Variants in SLCO3A1 observed in about 807,000 individuals in gnomAD.
SLCO3A1 encodes the protein PGE1 transporter.
In SLCO3A1, 27 loss-of-function variants were observed where a neutral mutation model predicts 63.1. The observed-to-expected ratio is 0.43, with a 90% confidence interval of 0.32 to 0.59. SLCO3A1 has a LOEUF of 0.59. Ranked by LOEUF, SLCO3A1 falls within the 20% of genes least tolerant of loss-of-function variation. SLCO3A1 has a pLI of 0.09. For synonymous variants in SLCO3A1, 473 were observed against 409.9 expected (o/e 1.15, Z -1.86); for missense variants, 773 against 945.8 (o/e 0.82, Z 2.40).
At position 92,120,570 on chromosome 15, in the gene SLCO3A1, T is replaced by G; in HGVS notation, c.1115T>G (p.Leu372Trp). The G allele has an allele frequency of 6.2e-7, 1 of 1,613,866 alleles. No individual in the cohort carries two copies. Among genetic ancestry groups the G allele is most frequent in the Non-Finnish European group, 8.5e-7 (1 of 1,179,952 alleles). ...IAVVAGFAAFLGKYLEQQFNL... is the reference protein window; with the variant it reads ...IAVVAGFAAFWGKYLEQQFNL... ...GTGGTGGCTGGCTTCGCTGCCTTTT[T>G]GGGGAAGTACCTGGAGCAGCAGTTT... The change falls in exon 5 of 10, where the codon TTG (leucine) becomes TGG (tryptophan). Residue 372 changes from leucine (L) to tryptophan (W), a missense_variant. Coordinates refer to ENST00000318445, the MANE Select transcript of SLCO3A1 (RefSeq NM_013272.4).
chr15:92,130,243 G>T (rs560196639), intron 7 of SLCO3A1, among the ~76,000 whole-genome samples: 50 of 152,332 alleles, frequency 3.3e-4, no homozygotes, highest in African/African-American at 1.2e-3. Context: ...GCCCATCTGT[G>T]GCTGCATCCC....
At chr15:92,050,494 G>T (rs1009035213) in intron 2 of SLCO3A1, among the ~76,000 whole-genome samples, 2 of 152,194 alleles carry the variant, frequency 1.3e-5, no homozygotes, top group African/African-American at 4.8e-5. Flanking sequence ...CTCTGGGAAT[G>T]CACACTGGTA....
At chr15:92,066,373 T>A (rs1376159386) in intron 2 of SLCO3A1, among the ~76,000 whole-genome samples, 1 of 152,240 alleles carries the variant, frequency 6.6e-6, no homozygotes, top group Non-Finnish European at 1.5e-5. Context: ...AAAATTGTTG[T>A]GCTGTTTCTG....
intron 2 of SLCO3A1, among the ~76,000 whole-genome samples, chr15:91,926,611 C>A (rs72751972): frequency 0.3 from 17,864 of 60,476 alleles, 1,532 homozygotes; most frequent in African/African-American, 0.44. Context: ...GCGCGCACGC[C>A]CATGCTTATT....
intron 9 of SLCO3A1, among the ~76,000 whole-genome samples, chr15:92,151,468 T>C (rs2048304736): frequency 2.0e-5 from 3 of 152,194 alleles, no homozygotes; most frequent in Non-Finnish European, 4.4e-5. Flanking sequence ...ACCTTGAATT[T>C]CTGGGATGGG....
chr15:92,058,175 G>C (rs756832611), intron 2 of SLCO3A1, among the ~76,000 whole-genome samples: 1 of 152,062 alleles, frequency 6.6e-6, no homozygotes, highest in African/African-American at 2.4e-5. Context: ...GAGTGTGTGT[G>C]TGTGTGTTTG....
intron 1 of SLCO3A1, among the ~76,000 whole-genome samples, chr15:91,855,395 C>T (rs1172822514): frequency 6.6e-6 from 1 of 152,142 alleles, no homozygotes; most frequent in Non-Finnish European, 1.5e-5. Flanking sequence ...CAGCTCTGTT[C>T]CTGGGGTGAC....
At chr15:92,061,471 C>G (rs2047085612) in intron 2 of SLCO3A1, among the ~76,000 whole-genome samples, 1 of 152,236 alleles carries the variant, frequency 6.6e-6, no homozygotes, top group African/African-American at 2.4e-5. Context: ...TAGTAGCTGC[C>G]CCTCTGAAGG....
chr15:91,954,837 C>G lies in SLCO3A1; in HGVS notation c.646+38379C>G, dbSNP rs532763673. Among the ~76,000 whole-genome samples, 15 of 152,122 alleles carry G rather than the reference C, an allele frequency of 9.9e-5. No individual in the cohort carries two copies. The highest frequency in any genetic ancestry group is 1.5e-4 in the Non-Finnish European group (10 of 67,992). ...GGCCTAGACACCATACCCTGAACCG[C>G]CCCCCGTGGTCTCCCGCTGCTTTCT... On this transcript the variant is annotated intron_variant, in intron 2 of 9. Transcript: ENST00000318445. The surrounding 1 kb of genome is among the most constrained non-coding windows in gnomAD (Gnocchi z 4.7).
rs773073012 is a variant in SLCO3A1, at chr15:92,165,680, G to A, written c.*2545G>A. The A allele has an allele frequency of 5.8e-5, 57 of 985,184 alleles. No homozygotes were observed. The highest frequency in any genetic ancestry group is 6.7e-5 in the Non-Finnish European group (56 of 829,846). The allele number at this position is 985,184 out of a possible 1,614,324, so 61.0% of individuals were successfully genotyped here. A position where few individuals can be genotyped will look rare whatever the true frequency, so the allele number is the denominator to read the frequency against. On this transcript the variant is annotated 3_prime_UTR_variant, in exon 10 of 10. Transcript: ENST00000318445. ...TTGCAGGATGGCTCTGAATTCTGTT[G>A]TGTCGTCTTTTAAAATTTTAATTAT...
At chr15:92,002,015 T>C (rs1357541032) in intron 2 of SLCO3A1, among the ~76,000 whole-genome samples, 1 of 152,034 alleles carries the variant, frequency 6.6e-6, no homozygotes, top group Non-Finnish European at 1.5e-5. Flanking sequence ...CCTCCTCTTT[T>C]CATATTGCTC....
At chr15:92,171,649 C>A in intron 10 of SLCO3A1, 2 of 679,444 alleles carry the variant, frequency 2.9e-6, no homozygotes, top group South Asian at 3.6e-5. Flanking sequence ...CACTTTATTG[C>A]TTTGACTGCC....
intron 2 of SLCO3A1, among the ~76,000 whole-genome samples, chr15:92,086,644 C>T (rs2047407907): frequency 2.0e-5 from 3 of 152,240 alleles, no homozygotes; most frequent in Admixed American, 2.0e-4. Context: ...GTAGTCCAGT[C>T]TTTTCTTTCA....
At chr15:92,116,821 G>A (rs2047800939) in intron 4 of SLCO3A1, among the ~76,000 whole-genome samples, 1 of 152,130 alleles carries the variant, frequency 6.6e-6, no homozygotes, top group Non-Finnish European at 1.5e-5. Flanking sequence ...GGGATGGGAG[G>A]AAGAACTTGG....
At position 92,017,820 on chromosome 15, in the gene SLCO3A1, T is replaced by C. The variant is rs144335318; in HGVS notation, c.647-77061T>C. On this transcript the variant is annotated intron_variant, in intron 2 of 9. Coordinates refer to ENST00000318445, the MANE Select transcript of SLCO3A1 (RefSeq NM_013272.4). ...AGGGATCTTGTTTGGGTGGTGGGGG[T>C]TGCTCCAGCAGACCAGGGTGGAGGC... Among the ~76,000 whole-genome samples the C allele has an allele frequency of 1.1e-3, 173 of 151,810 alleles. 1 individual carries two copies. The highest frequency in any genetic ancestry group is 3.8e-3 in the African/African-American group (158 of 41,378).
intron 2 of SLCO3A1, among the ~76,000 whole-genome samples, chr15:92,063,259 C>G (rs1344477367): frequency 6.6e-6 from 1 of 152,306 alleles, no homozygotes; most frequent in South Asian, 2.1e-4. Context: ...CTGATCGGGA[C>G]CCCTTGTGCA....
At chr15:92,029,097 AAGAG>A (rs2046614073) in intron 2 of SLCO3A1, among the ~76,000 whole-genome samples, 1 of 152,216 alleles carries the variant, frequency 6.6e-6, no homozygotes, top group South Asian at 2.1e-4. Context: ...AATTTCTTAA[AAGAG>A]AGGCGGTAAA....
At chr15:92,010,299 A>G (rs1454088270) in intron 2 of SLCO3A1, among the ~76,000 whole-genome samples, 1 of 152,136 alleles carries the variant, frequency 6.6e-6, no homozygotes, top group Non-Finnish European at 1.5e-5. Context: ...ACACCAATAA[A>G]ATATATGGTC....
intron 2 of SLCO3A1, among the ~76,000 whole-genome samples, chr15:91,994,506 C>T (rs1314027820): frequency 2.0e-5 from 3 of 152,124 alleles, no homozygotes; most frequent in African/African-American, 7.2e-5. Flanking sequence ...AGAGTCCATG[C>T]CCTCAGCAGC....
Sources: allele counts gnomAD v4.1 joint callset (sites outside exome capture counted in the v4.1 genomes callset), GRCh38; gene constraint gnomAD v4.1.1; non-coding constraint Gnocchi (gnomAD v3.1); transcripts MANE v1.5; gene names NCBI Gene and HGNC (gene_info 2026-07-23, HGNC 2026-07-21).